Variants in LRBA observed in about 807,000 individuals in gnomAD.
LRBA encodes lipopolysaccharide-responsive and beige-like anchor protein.
Under a neutral mutation model 330.0 loss-of-function variants are expected in LRBA, and 176 were observed. That is an observed-to-expected ratio of 0.53 (90% CI 0.47 to 0.60). The LOEUF (loss-of-function observed/expected upper bound fraction) is 0.60, where lower values mean the gene tolerates loss of function less well. Ranked by LOEUF, LRBA falls within the 20% of genes least tolerant of loss-of-function variation. LRBA has a pLI of 0.00. For synonymous variants in LRBA, 1,230 were observed against 1,193.0 expected (o/e 1.03, Z -0.64); for missense variants, 3,259 against 3,444.8 (o/e 0.95, Z 1.35).
chr4:150,922,590 G>A (rs1224167002), intron 4 of LRBA, among the ~76,000 whole-genome samples: 1 of 151,966 alleles, frequency 6.6e-6, no homozygotes. Flanking sequence ...GAAAAAGAAA[G>A]ATACAATGGA....
chr4:150,781,595 T>G (rs1476882309), intron 34 of LRBA, among the ~76,000 whole-genome samples: 1 of 152,222 alleles, frequency 6.6e-6, no homozygotes, highest in Non-Finnish European at 1.5e-5. Flanking sequence ...TTTAAACCAT[T>G]GTTTGATCTA....
intron 44 of LRBA, among the ~76,000 whole-genome samples, chr4:150,467,308 T>C (rs1368332494): frequency 6.6e-6 from 1 of 152,172 alleles, no homozygotes; most frequent in Non-Finnish European, 1.5e-5. Flanking sequence ...ATTAAACTTC[T>C]ATCCTGTCTT....
At chr4:150,443,853 A>AAAAAAAAAAAAAATATATATAT (rs70941406) in intron 44 of LRBA, among the ~76,000 whole-genome samples, 1 of 75,468 alleles carries the variant, frequency 1.3e-5, no homozygotes, top group African/African-American at 3.9e-5. Context: ...TAATTAAAAA[A>AAAAAAAAAAAAAATATATATAT]ATATATATAT....
At chr4:150,808,278 A>C in intron 32 of LRBA, 42 bp downstream of exon 32, 2 of 1,294,198 alleles carry the variant, frequency 1.5e-6, no homozygotes, top group Non-Finnish European at 2.2e-6. Flanking sequence ...AAAAGTCATC[A>C]AAAGGTATAA....
chr4:150,358,622 T>C (rs1738219389), intron 47 of LRBA, among the ~76,000 whole-genome samples: 1 of 152,136 alleles, frequency 6.6e-6, no homozygotes, highest in African/African-American at 2.4e-5. Context: ...GTTATAAACA[T>C]AGACATAAGT....
intron 2 of LRBA, among the ~76,000 whole-genome samples, chr4:150,955,671 C>A (rs1447357862): frequency 6.7e-6 from 1 of 148,632 alleles, no homozygotes; most frequent in Non-Finnish European, 1.5e-5. Context: ...GCATGCAGAT[C>A]TCCTGAGGTC....
chr4:150,894,201 G>A (rs370515271), intron 16 of LRBA, among the ~76,000 whole-genome samples: 2 of 152,006 alleles, frequency 1.3e-5, no homozygotes, highest in South Asian at 2.1e-4. Context: ...GTAGTGGTAG[G>A]GCTAAGATAT....
chr4:150,813,470 C>G (rs187563967), intron 31 of LRBA, among the ~76,000 whole-genome samples: 3 of 151,886 alleles, frequency 2.0e-5, no homozygotes, highest in African/African-American at 7.3e-5. Context: ...AATTTGTACA[C>G]CAAAAAAGTT....
At chr4:150,284,075 T>C (rs1402150076) in intron 54 of LRBA, among the ~76,000 whole-genome samples, 2 of 152,200 alleles carry the variant, frequency 1.3e-5, no homozygotes, top group African/African-American at 4.8e-5. Flanking sequence ...TTGAATTGAA[T>C]ATAAATGGAA....
intron 35 of LRBA, among the ~76,000 whole-genome samples, chr4:150,753,337 C>T (rs980031563): frequency 3.3e-5 from 5 of 152,184 alleles, no homozygotes; most frequent in Non-Finnish European, 5.9e-5. Context: ...TGGACCAGCA[C>T]GTGGCCAGTA....
chr4:150,317,100 C>A (rs2126906507), intron 50 of LRBA, among the ~76,000 whole-genome samples: 1 of 152,222 alleles, frequency 6.6e-6, no homozygotes, highest in Admixed American at 6.5e-5. Context: ...ACAGTCTCAG[C>A]CAGCTTGGCC....
intron 56 of LRBA, among the ~76,000 whole-genome samples, chr4:150,273,969 T>G (rs889290167): frequency 4.6e-5 from 7 of 152,174 alleles, no homozygotes; most frequent in Non-Finnish European, 7.3e-5. Context: ...CTAACAGACA[T>G]CTACAGAAAT....
At chr4:150,862,989 GAC>G (rs57854219) in intron 22 of LRBA, among the ~76,000 whole-genome samples, 18 of 148,394 alleles carry the variant, frequency 1.2e-4, no homozygotes, top group South Asian at 1.1e-3. Context: ...ATTTAAAAAA[GAC>G]ACACACACAC....
At chr4:150,856,847 T>C (rs983855745) in intron 22 of LRBA, among the ~76,000 whole-genome samples, 1 of 152,300 alleles carries the variant, frequency 6.6e-6, no homozygotes, top group African/African-American at 2.4e-5. Flanking sequence ...TGGAAAGCAC[T>C]TCTATAAACT....
At chr4:150,819,044 C>T (rs904957773) in intron 30 of LRBA, among the ~76,000 whole-genome samples, 5 of 151,840 alleles carry the variant, frequency 3.3e-5, no homozygotes, top group African/African-American at 9.7e-5. Flanking sequence ...TTTAATGGTG[C>T]TATGCTTCTA....
At position 150,804,334 on chromosome 4, in the gene LRBA, T is replaced by C. The variant is rs576037437; in HGVS notation, c.5518+1937A>G. Among the ~76,000 whole-genome samples, 3 of 152,286 alleles carry C rather than the reference T, an allele frequency of 2.0e-5. No homozygotes were observed. The South Asian group carries it at 6.2e-4, about 32-fold the overall frequency. On this transcript the variant is annotated intron_variant, in intron 33 of 56. Transcript: ENST00000651943. Reference sequence around the variant, plus strand: ...GACTGCATGAAAATAATATCGCTCATCACCAACTCCATTTACATCTATAGA... The same window carrying C: ...GACTGCATGAAAATAATATCGCTCACCACCAACTCCATTTACATCTATAGA...
intron 2 of LRBA, among the ~76,000 whole-genome samples, chr4:151,009,763 G>A (rs1003842299): frequency 5.9e-5 from 9 of 151,894 alleles, no homozygotes; most frequent in African/African-American, 9.7e-5. Context: ...GGTGGATCAC[G>A]AGGTCAGGAG....
rs770534410 is a variant in LRBA at position 150,483,129 on chromosome 4, A to G, written c.6551+4603T>C. Among the ~76,000 whole-genome samples, 56 of 152,066 alleles carry G rather than the reference A, an allele frequency of 3.7e-4. 1 individual carries two copies. Among genetic ancestry groups the G allele is most frequent in the Non-Finnish European group, 6.6e-4 (45 of 67,974 alleles). ...CTACTTTTAGCACTTACGTTTGTCT[A>G]CACTACGTTTTTTTCTGTTACATTT... On this transcript the variant is annotated intron_variant, in intron 42 of 56. Coordinates refer to ENST00000651943, the MANE Select transcript of LRBA (RefSeq NM_001364905.1).
chr4:150,805,334 G>GAAAGGAAAGGA (rs1742478350), intron 33 of LRBA, among the ~76,000 whole-genome samples: 2 of 136,086 alleles, frequency 1.5e-5, no homozygotes, highest in African/African-American at 2.9e-5. Context: ...GAAAGGAAAG[G>GAAAGGAAAGGA]AAAGGAGAAG....
Sources: allele counts gnomAD v4.1 joint callset (sites outside exome capture counted in the v4.1 genomes callset), GRCh38; gene constraint gnomAD v4.1.1; transcripts MANE v1.5; gene names NCBI Gene and HGNC (gene_info 2026-07-23, HGNC 2026-07-21).